The following CENPV variants were observed in gnomAD, a reference collection of about 807,000 sequenced individuals.
CENPV encodes the protein nuclear protein p30.
CENPV carries 15 observed loss-of-function variants against 26.4 expected under a neutral mutation model. The ratio of observed to expected loss-of-function variants is 0.57; its 90% CI spans 0.38 to 0.88. The LOEUF (loss-of-function observed/expected upper bound fraction) is 0.88, where lower values mean the gene tolerates loss of function less well. Among genes scored for constraint, CENPV ranks in the 40% least tolerant of loss-of-function variants. The pLI is 0.00. For missense variants in CENPV, 336 were observed against 376.5 expected, an observed-to-expected ratio of 0.89 and a Z score of 0.89; for synonymous variants, 172 against 165.5, an observed-to-expected ratio of 1.04 and a Z score of -0.30.
intron 2 of CENPV, chr17:16,349,670 G>A (rs1038464102): frequency 4.8e-6 from 6 of 1,244,198 alleles, no homozygotes; most frequent in African/African-American, 1.6e-5. Context: ...GTGTCAGTCT[G>A]AGGGTGATGC....
intron 3 of CENPV, among the ~76,000 whole-genome samples, chr17:16,347,170 A>C (rs2093210549): frequency 6.6e-6 from 1 of 152,124 alleles, no homozygotes; most frequent in Admixed American, 6.6e-5. Context: ...TTTTATATGC[A>C]TATGTATCTT....
At chr17:16,346,477 G>A (rs939562378) in intron 3 of CENPV, among the ~76,000 whole-genome samples, 2 of 152,158 alleles carry the variant, frequency 1.3e-5, no homozygotes, top group Non-Finnish European at 1.5e-5. Flanking sequence ...TAGGCCAGGC[G>A]CAGTGGCTCA....
Position 16,353,389 on chromosome 17 carries a change from C to T in CENPV, c.48G>A (p.Lys16=). 7 of 1,206,582 alleles carry T rather than the reference C, an allele frequency of 5.8e-6. No homozygotes were observed. Among genetic ancestry groups the T allele is most frequent in the Non-Finnish European group, 7.2e-6 (7 of 974,074 alleles). 74.7% of individuals were successfully genotyped at this position (1,206,582 alleles called of 1,614,324 possible). A position where few individuals can be genotyped will look rare whatever the true frequency, so the allele number is the denominator to read the frequency against. ...SSAAAKLRGQ[K]RSGASAAPAA... The stretch of plus-strand genomic sequence containing the variant: ...CGGGGGCCGCGGAGGCCCCGGACCG[C>T]TTCTGCCCGCGCAGCTTGGCGGCCG... Residue 16 remains lysine, a synonymous_variant, in exon 1 of 5, where the codon AAG becomes AAA. Transcript: ENST00000299736.
chr17:16,344,754 T>A (rs189586628), intron 3 of CENPV, 43 bp from the exon 4 acceptor site: 1 of 1,009,206 alleles, frequency 9.9e-7, no homozygotes, highest in East Asian at 2.8e-5. Flanking sequence ...TACAAAGAGA[T>A]TTATTTATTT....
In CENPV at chr17:16,345,732, T is replaced by C. The variant is rs544296788; in HGVS notation, c.580-1021A>G. 8.5e-5 allele frequency among the ~76,000 whole-genome samples: 13 copies of C among 152,200 alleles called. No homozygotes were observed. The South Asian group carries it at 2.7e-3, about 32-fold the overall frequency. ...GGTCAACGGCATACAGAATTCAGCC[T>C]TGAGCCTTCCCTGATACATCACATC... On this transcript the variant is annotated intron_variant, in intron 3 of 4. Transcript: ENST00000299736.
chr17:16,346,438 T>C (rs183143705), intron 3 of CENPV, among the ~76,000 whole-genome samples: 103 of 152,232 alleles, frequency 6.8e-4, no homozygotes, highest in African/African-American at 2.3e-3. Context: ...CATGGAACAA[T>C]TGCCAAAGTT....
intron 2 of CENPV, chr17:16,349,642 GC>G: frequency 1.7e-6 from 2 of 1,145,128 alleles, no homozygotes; most frequent in South Asian, 2.9e-5. Context: ...GCAGCTAACC[GC>G]CCCCGGCTCC....
Position 16,348,613 on chromosome 17 carries a change from G to T in CENPV, c.579+3C>A. On this transcript the variant is annotated splice_donor_region_variant and intron_variant, in intron 3 of 4. Transcript: ENST00000299736. Reference sequence around the variant, plus strand: ...CTCCTTGACCCTGCTCTTAAGCACTGACCTTCAGGAGCTTGAAGCGAGAAG... The same window carrying T: ...CTCCTTGACCCTGCTCTTAAGCACTTACCTTCAGGAGCTTGAAGCGAGAAG... 2 of 1,613,940 alleles carry T rather than the reference G, an allele frequency of 1.2e-6. No homozygotes were observed. Among genetic ancestry groups the T allele is most frequent in the South Asian group, 2.2e-5 (2 of 91,030 alleles).
At chr17:16,347,746 G>T (rs2093213383) in intron 3 of CENPV, 1 of 152,180 alleles carries the variant, frequency 6.6e-6, no homozygotes, top group South Asian at 2.1e-4. Flanking sequence ...CGGCTGTGGG[G>T]AAGAGGGAGA....
intron 3 of CENPV, among the ~76,000 whole-genome samples, chr17:16,345,178 C>T (rs2093200582): frequency 6.8e-6 from 1 of 147,626 alleles, no homozygotes; most frequent in Non-Finnish European, 1.5e-5. Flanking sequence ...AGGAGAATGG[C>T]ATGAACCTGG....
intron 1 of CENPV, among the ~76,000 whole-genome samples, chr17:16,352,203 A>C (rs2093231503): frequency 6.6e-6 from 1 of 152,198 alleles, no homozygotes; most frequent in Non-Finnish European, 1.5e-5. Context: ...GCGTTAAAAT[A>C]TCTCTCTGTA....
intron 1 of CENPV, chr17:16,351,512 C>A (rs1030442158): frequency 6.6e-6 from 1 of 152,154 alleles, no homozygotes; most frequent in African/African-American, 2.4e-5. Flanking sequence ...TGTAAAAACT[C>A]CAAACTTCAC....
chr17:16,345,327 T>G (rs1024111806), intron 3 of CENPV, among the ~76,000 whole-genome samples: 3 of 108,898 alleles, frequency 2.8e-5, no homozygotes, highest in Admixed American at 2.5e-4. Flanking sequence ...TCCCAACACT[T>G]TGAGGCCGAG....
chr17:16,352,470 G>A (rs933635629), intron 1 of CENPV, among the ~76,000 whole-genome samples: 7 of 151,894 alleles, frequency 4.6e-5, no homozygotes, highest in Non-Finnish European at 7.4e-5. Flanking sequence ...TTCTCTCCCG[G>A]ATCAATAACC....
In CENPV at chr17:16,342,609, G is replaced by C. The variant is rs2142895027; in HGVS notation, c.*208C>G. On this transcript the variant is annotated 3_prime_UTR_variant, in exon 5 of 5. Coordinates refer to ENST00000299736, the MANE Select transcript of CENPV (RefSeq NM_181716.3). ...GTTGGGAAGAGAAGGATGTCAATTA[G>C]ACTACATCAAAATCTGGGCAGAGGG... The C allele has an allele frequency of 1.8e-6, 1 of 555,646 alleles. No homozygotes were observed. The highest frequency in any genetic ancestry group is 4.8e-4 in the Middle Eastern group (1 of 2,080). The allele number at this position is 555,646 out of a possible 1,614,324, so 34.4% of individuals were successfully genotyped here.
Position 16,353,079 on chromosome 17 carries a change from T to C in CENPV, c.358A>G (p.Lys120Glu). Residue 120 changes from lysine to glutamate, a missense_variant, in exon 1 of 5, where the codon AAG (lysine) becomes GAG (glutamate). Lys to Glu is a moderately conservative substitution (Grantham distance 56). This residue lies in a region of CENPV where 155 missense variants were observed against 227.8 expected (regional missense o/e 0.68). Transcript: ENST00000299736. ...CCCTCGGAGGTAAGCTTCTGCCGCT[T>C]CTGGAACGTCTCCCAGCGCTCCCGC... ...EQRERWETFQ[K>E]RQKLTSEGAA... is the part of the protein sequence containing the mutation. 1.3e-6 allele frequency: 2 copies of C among 1,577,400 alleles called. No individual in the cohort carries two copies. Among genetic ancestry groups the C allele is most frequent in the Non-Finnish European group, 1.7e-6 (2 of 1,163,098 alleles).
chr17:16,348,685 A>G lies in CENPV; in HGVS notation c.510T>C (p.Asn170=), dbSNP rs750609187. 12 of 1,613,942 alleles carry G rather than the reference A, an allele frequency of 7.4e-6. No homozygotes were observed. Among genetic ancestry groups the G allele is most frequent in the Non-Finnish European group, 1.0e-5 (12 of 1,179,866 alleles). The change falls in exon 3 of 5, where the codon AAT becomes AAC. Residue 170 remains asparagine, a splice_region_variant and synonymous_variant. Transcript: ENST00000299736. ...TCTGCTTCTTCTTGCAAATGCTGCA[A>G]CTACAGAAAGACAGAGCAAATTCCA... is the stretch of plus-strand genomic sequence containing the variant. ...ASADLHIFDC[N]CSICKKKQNR... is the part of the protein sequence containing the mutation.
intron 2 of CENPV, 132 bp downstream of exon 2, chr17:16,349,799 T>A: frequency 6.8e-7 from 1 of 1,463,602 alleles, no homozygotes; most frequent in Non-Finnish European, 9.0e-7. Context: ...TCTGTCCCCA[T>A]CACCTGACTT....
intron 2 of CENPV, chr17:16,348,918 G>C: frequency 7.6e-7 from 1 of 1,319,008 alleles, no homozygotes. Context: ...TCAGAACACA[G>C]GACCAACAGA....
Sources: gnomAD v4.1 joint callset for allele counts (sites outside exome capture counted in the v4.1 genomes callset) on GRCh38, gnomAD v4.1.1 for gene constraint, gnomAD v4.1.1 regional missense constraint, MANE v1.5 for transcripts, NCBI Gene and HGNC (gene_info 2026-07-23, HGNC 2026-07-21) for gene names.